Variants in MLLT3 observed in about 807,000 individuals in gnomAD.
The protein encoded by MLLT3 is MLLT3 super elongation complex subunit.
In MLLT3, 4 loss-of-function variants were observed where a neutral mutation model predicts 53.2. The ratio of observed to expected loss-of-function variants is 0.08; its 90% CI spans 0.04 to 0.17. MLLT3 has a LOEUF of 0.17. Among genes scored for constraint, MLLT3 ranks in the 10% least tolerant of loss-of-function variants. MLLT3 has a pLI of 1.00. For synonymous variants in MLLT3, 283 were observed against 230.6 expected, an observed-to-expected ratio of 1.23 and a Z score of -2.06; for missense variants, 569 against 684.0, an observed-to-expected ratio of 0.83 and a Z score of 1.87.
chr9:20,422,541 A>G (rs1190622782), intron 4 of MLLT3, among the ~76,000 whole-genome samples: 2 of 152,230 alleles, frequency 1.3e-5, no homozygotes, highest in African/African-American at 2.4e-5. Context: ...AAGATACAGC[A>G]ATCATCCTAA....
At chr9:20,462,686 T>C (rs1315072020) in intron 2 of MLLT3, among the ~76,000 whole-genome samples, 4 of 152,138 alleles carry the variant, frequency 2.6e-5, no homozygotes, top group Non-Finnish European at 5.9e-5. Context: ...CTAATCCTAA[T>C]ACATCTGCTA....
At chr9:20,378,084 G>T (rs957389579) in intron 5 of MLLT3, among the ~76,000 whole-genome samples, 3 of 151,940 alleles carry the variant, frequency 2.0e-5, no homozygotes, top group African/African-American at 7.3e-5. Flanking sequence ...AGTAGTAAAA[G>T]AAAATAACAA....
chr9:20,375,654 C>T (rs1334810817), intron 5 of MLLT3, among the ~76,000 whole-genome samples: 1 of 142,986 alleles, frequency 7.0e-6, no homozygotes, highest in Middle Eastern at 3.5e-3. Context: ...GTCACCCAGG[C>T]TGGAGTGCAG....
At chr9:20,413,592 C>G (rs1822785373) in intron 5 of MLLT3, 129 bp downstream of exon 5, 2 of 709,772 alleles carry the variant, frequency 2.8e-6, no homozygotes, top group Non-Finnish European at 4.4e-6. Flanking sequence ...CATTTCTAGG[C>G]CAGATCTACC....
intron 2 of MLLT3, among the ~76,000 whole-genome samples, chr9:20,546,793 A>C (rs1423406896): frequency 2.0e-5 from 3 of 152,230 alleles, no homozygotes; most frequent in Admixed American, 2.0e-4. Context: ...CAGGGGCCAT[A>C]CAGGGGATCG....
At chr9:20,564,538 G>A (rs1179970947) in intron 2 of MLLT3, among the ~76,000 whole-genome samples, 2 of 152,126 alleles carry the variant, frequency 1.3e-5, no homozygotes, top group Admixed American at 6.6e-5. Context: ...GTAATTCAAA[G>A]TACATAAGCT....
intron 2 of MLLT3, among the ~76,000 whole-genome samples, chr9:20,579,108 T>C (rs1245427279): frequency 6.6e-6 from 1 of 152,156 alleles, no homozygotes; most frequent in African/African-American, 2.4e-5. Context: ...GTGCCTGTAA[T>C]CGCAGCTCCT....
rs148340209 is a variant in MLLT3 at position 20,457,952 on chromosome 9, G to A, written c.194-1166C>T. Among the ~76,000 whole-genome samples the A allele has an allele frequency of 1.9e-3, 293 of 152,260 alleles. 1 individual carries two copies. The highest frequency in any genetic ancestry group is 0.018 in the Admixed American group (268 of 15,288). ...TCAAGGCCACACACACTGATGCCCTGAGTCCTCTTCAGCAGCCCCAGTTTA... is the reference window on the plus strand; with the variant it reads ...TCAAGGCCACACACACTGATGCCCTAAGTCCTCTTCAGCAGCCCCAGTTTA... On this transcript the variant is annotated intron_variant, in intron 2 of 10. Transcript: ENST00000380338.
chr9:20,366,210 C>A (rs1409999029), intron 5 of MLLT3, among the ~76,000 whole-genome samples: 1 of 152,072 alleles, frequency 6.6e-6, no homozygotes, highest in African/African-American at 2.4e-5. Context: ...GCCCCTGACC[C>A]CTGAAAGGCC....
intron 8 of MLLT3, among the ~76,000 whole-genome samples, chr9:20,355,396 G>C (rs921813132): frequency 6.6e-6 from 1 of 152,172 alleles, no homozygotes; most frequent in African/African-American, 2.4e-5. Context: ...TGGAAATGAA[G>C]ATGGCCGACT....
chr9:20,614,439 G>C (rs1820774778), intron 2 of MLLT3, among the ~76,000 whole-genome samples: 1 of 151,392 alleles, frequency 6.6e-6, no homozygotes, highest in African/African-American at 2.4e-5. Flanking sequence ...GAGGGAGGGA[G>C]GGAGGTAGGC....
intron 2 of MLLT3, among the ~76,000 whole-genome samples, chr9:20,569,268 C>T (rs1162925901): frequency 6.6e-6 from 1 of 152,118 alleles, no homozygotes; most frequent in Non-Finnish European, 1.5e-5. Flanking sequence ...TTATCGTTCC[C>T]ATTTTATAAA....
chr9:20,513,225 C>A (rs1277520650), intron 2 of MLLT3, among the ~76,000 whole-genome samples: 1 of 152,182 alleles, frequency 6.6e-6, no homozygotes, highest in East Asian at 1.9e-4. Context: ...CTGGTTTATA[C>A]TGGCAGGTAC....
At chr9:20,579,494 A>G (rs1274806965) in intron 2 of MLLT3, among the ~76,000 whole-genome samples, 1 of 152,190 alleles carries the variant, frequency 6.6e-6, no homozygotes, top group Non-Finnish European at 1.5e-5. Context: ...AGAGCCCATG[A>G]GAAGACTTTT....
intron 4 of MLLT3, among the ~76,000 whole-genome samples, chr9:20,444,618 G>A (rs1393322189): frequency 2.0e-5 from 3 of 152,064 alleles, no homozygotes; most frequent in Admixed American, 1.3e-4. Context: ...CACACCTGTA[G>A]TTAGAGCACT....
chr9:20,565,133 T>G (rs528730231), intron 2 of MLLT3, among the ~76,000 whole-genome samples: 2 of 129,042 alleles, frequency 1.5e-5, no homozygotes, highest in Admixed American at 1.5e-4. Context: ...GACTGATATG[T>G]TTTTTTTTTT....
intron 2 of MLLT3, among the ~76,000 whole-genome samples, chr9:20,530,777 A>C (rs1210135912): frequency 6.6e-6 from 1 of 151,830 alleles, no homozygotes; most frequent in African/African-American, 2.4e-5. Flanking sequence ...GAATACAAGC[A>C]TGCACCACGA....
At chr9:20,445,832 C>T (rs1410923555) in intron 4 of MLLT3, among the ~76,000 whole-genome samples, 1 of 152,092 alleles carries the variant, frequency 6.6e-6, no homozygotes, top group Non-Finnish European at 1.5e-5. Flanking sequence ...TATCCTCTCT[C>T]CCACCACAAA....
chr9:20,534,666 C>T (rs181561578), intron 2 of MLLT3, among the ~76,000 whole-genome samples: 1 of 152,290 alleles, frequency 6.6e-6, no homozygotes, highest in East Asian at 1.9e-4. Context: ...GCGGGCGGAT[C>T]ACGAGGTCAG....
Sources: allele counts gnomAD v4.1 joint callset (sites outside exome capture counted in the v4.1 genomes callset), GRCh38; gene constraint gnomAD v4.1.1; transcripts MANE v1.5; gene names NCBI Gene and HGNC (gene_info 2026-07-23, HGNC 2026-07-21).